THOP1: variants seen among roughly 807,000 people sequenced by gnomAD.
THOP1 encodes thimet oligopeptidase.
In THOP1, 49 loss-of-function variants were observed where a neutral mutation model predicts 71.8. The ratio of observed to expected loss-of-function variants is 0.68; its 90% confidence interval spans 0.54 to 0.87. The LOEUF is 0.87. Ranked by LOEUF, THOP1 falls within the 40% of genes least tolerant of loss-of-function variation. THOP1 has a pLI of 0.00. For synonymous variants in THOP1, 426 were observed against 421.5 expected (o/e 1.01, Z -0.13); for missense variants, 843 against 975.6 (o/e 0.86, Z 1.81).
At chr19:2,810,565 G>A in intron 10 of THOP1, 75 bp downstream of exon 10, 1 of 1,525,650 alleles carries the variant, frequency 6.6e-7, no homozygotes, top group East Asian at 2.5e-5. Context: ...ATGTGCCCCG[G>A]GTGGGGGTCG....
intron 5 of THOP1, among the ~76,000 whole-genome samples, chr19:2,800,413 G>A (rs1485636964): frequency 6.6e-6 from 1 of 152,170 alleles, no homozygotes; most frequent in Non-Finnish European, 1.5e-5. Context: ...CAGACTCCTG[G>A]GCTCAGGATC....
Position 2,815,538 on chromosome 19 carries a change from A to G in THOP1, c.*2262A>G, listed in dbSNP as rs1916582564. ...GTTCCCCAGGGAGCTGGGCGTCCTCAGAGCCTTCCCAAATGCCCACACCGG... is the reference window on the plus strand; with the variant it reads ...GTTCCCCAGGGAGCTGGGCGTCCTCGGAGCCTTCCCAAATGCCCACACCGG... On this transcript the variant is annotated 3_prime_UTR_variant, in exon 13 of 13. Coordinates refer to ENST00000307741, the MANE Select transcript of THOP1 (RefSeq NM_003249.5). 6.6e-6 allele frequency: 1 copy of G among 152,542 alleles called. No individual in the cohort carries two copies. The highest frequency in any genetic ancestry group is 1.5e-5 in the Non-Finnish European group (1 of 68,300). The allele number at this position is 152,542 out of a possible 1,614,324, so 9.4% of individuals were successfully genotyped here.
chr19:2,793,375 C>T (rs1915930207), intron 2 of THOP1, among the ~76,000 whole-genome samples: 1 of 152,092 alleles, frequency 6.6e-6, no homozygotes, highest in African/African-American at 2.4e-5. Context: ...TGTGGATGGG[C>T]CTGTCCTGGA....
Position 2,804,773 on chromosome 19 carries a change from A to C in THOP1, c.590-243A>C. On this transcript the variant is annotated intron_variant, in intron 5 of 12. Coordinates refer to ENST00000307741, the MANE Select transcript of THOP1 (RefSeq NM_003249.5). This position sits in a 1 kb window ranked among gnomAD's most constrained non-coding sequence, Gnocchi z 4.7. The stretch of plus-strand genomic sequence containing the variant: ...TGCTGGGGGGTTTCCTGGTGGGGTT[A>C]GAGGCGGGACGTGAGAAACGTGGCA... 1 of 476,688 alleles carries C rather than the reference A, an allele frequency of 2.1e-6. No individual in the cohort carries two copies. Among genetic ancestry groups the C allele is most frequent in the Non-Finnish European group, 3.7e-6 (1 of 268,020 alleles). 29.5% of individuals were successfully genotyped at this position (476,688 alleles called of 1,614,324 possible). A position where few individuals can be genotyped will look rare whatever the true frequency, so the allele number is the denominator to read the frequency against.
At position 2,804,137 on chromosome 19, in the gene THOP1, C is replaced by G. The variant is rs760298339; in HGVS notation, c.590-879C>G. On this transcript the variant is annotated intron_variant, in intron 5 of 12. Coordinates refer to ENST00000307741, the MANE Select transcript of THOP1 (RefSeq NM_003249.5). This position sits in a 1 kb window ranked among gnomAD's most constrained non-coding sequence, Gnocchi z 4.7. ...CGCCCTGGGGTTGAGGTGAACCAGTCTTTGCATTGAAGCTGCAAGCCTGAG... is the reference window on the plus strand; with the variant it reads ...CGCCCTGGGGTTGAGGTGAACCAGTGTTTGCATTGAAGCTGCAAGCCTGAG... 6.6e-6 allele frequency among the ~76,000 whole-genome samples: 1 copy of G among 152,220 alleles called. No homozygotes were observed. The highest frequency in any genetic ancestry group is 1.5e-5 in the Non-Finnish European group (1 of 68,044).
At chr19:2,792,379 G>A (rs1025338459) in intron 2 of THOP1, among the ~76,000 whole-genome samples, 1 of 151,682 alleles carries the variant, frequency 6.6e-6, no homozygotes, top group African/African-American at 2.4e-5. Context: ...TGCCCAGGCT[G>A]GTCTAGAACT....
chr19:2,807,417 G>A (rs1018520876), intron 7 of THOP1, 25 bp from the exon 8 acceptor site: 23 of 1,558,228 alleles, frequency 1.5e-5, no homozygotes, highest in Non-Finnish European at 1.8e-5. Flanking sequence ...GAGGCGAGAG[G>A]CCCACCTTTC....
chr19:2,807,471 G>C lies in THOP1; in HGVS notation c.916G>C (p.Gly306Arg). Residue 306 changes from glycine to arginine, a missense_variant, in exon 8 of 13, where the codon GGG becomes CGG. Transcript: ENST00000307741. ...DELAQKLKPL[G>R]EQERAVILEL... ...GCTGGCGCAGAAGCTGAAGCCCCTG[G>C]GGGAGCAGGAGCGTGCGGTGATTCT... 1 of 1,602,970 alleles carries C rather than the reference G, an allele frequency of 6.2e-7. No homozygotes were observed. Among genetic ancestry groups the C allele is most frequent in the South Asian group, 1.1e-5 (1 of 90,668 alleles).
rs34801643 is a variant in THOP1 at position 2,794,412 on chromosome 19, C to T, written c.230-352C>T. ...AAGTAGTTTATGCATTTAAATGTGA[C>T]CATCGGCAGCTGCAGCTCTCTCTGG... On this transcript the variant is annotated intron_variant, in intron 2 of 12. Transcript: ENST00000307741. 5.9e-3 allele frequency among the ~76,000 whole-genome samples: 899 copies of T among 152,360 alleles called. 5 individuals carry two copies. Among genetic ancestry groups the T allele is most frequent in the Non-Finnish European group, 9.8e-3 (667 of 68,038 alleles).
intron 2 of THOP1, among the ~76,000 whole-genome samples, chr19:2,793,840 A>G (rs1391363699): frequency 6.6e-6 from 1 of 152,078 alleles, no homozygotes; most frequent in Admixed American, 6.5e-5. Context: ...GGCAGAGGCC[A>G]CATCTTGTCA....
intron 5 of THOP1, among the ~76,000 whole-genome samples, chr19:2,802,236 C>G (rs1409386176): frequency 6.7e-6 from 1 of 149,876 alleles, no homozygotes; most frequent in Non-Finnish European, 1.5e-5. Flanking sequence ...CTGACCCACC[C>G]ACCTCCCAAC....
rs772914625 is a variant in THOP1, at chr19:2,805,018, G to C, written c.592G>C (p.Gly198Arg). The C allele has an allele frequency of 6.2e-7, 1 of 1,611,430 alleles. No individual in the cohort carries two copies. The highest frequency in any genetic ancestry group is 1.1e-5 in the South Asian group (1 of 90,806). ...CCACCCTGGTTCTGTCCCCATAGGA[G>C]GGCTCCCCGAGGACTTTCTGAACTC... The part of the protein sequence containing the change: ...FLPFTLQELG[G>R]LPEDFLNSLE... Residue 198 changes from glycine to arginine, a missense_variant and splice_region_variant, in exon 6 of 13, where the codon GGG (glycine) becomes CGG (arginine). Transcript: ENST00000307741. This position sits in a 1 kb window ranked among gnomAD's most constrained non-coding sequence, Gnocchi z 6.6.
intron 2 of THOP1, among the ~76,000 whole-genome samples, chr19:2,792,642 A>T (rs775561407): frequency 6.6e-6 from 1 of 151,392 alleles, no homozygotes; most frequent in Non-Finnish European, 1.5e-5. Context: ...TATTATTATT[A>T]GGGTTTTTTT....
chr19:2,795,773 G>A lies in THOP1; in HGVS notation c.379-308G>A, dbSNP rs542027997. 4.6e-3 allele frequency among the ~76,000 whole-genome samples: 696 copies of A among 152,134 alleles called. 2 individuals are homozygous for A. Among genetic ancestry groups the A allele is most frequent in the Admixed American group, 6.5e-3 (100 of 15,278 alleles). ...CCCAGGTCCCCAGTGATGACGTTTT[G>A]CAAAACTATGGTGTCATCTACACCC... On this transcript the variant is annotated intron_variant, in intron 3 of 12. Coordinates refer to ENST00000307741, the MANE Select transcript of THOP1 (RefSeq NM_003249.5).
At chr19:2,787,503 C>T (rs1915775623) in intron 1 of THOP1, among the ~76,000 whole-genome samples, 1 of 152,184 alleles carries the variant, frequency 6.6e-6, no homozygotes. Context: ...CATCTCCATC[C>T]TTTCTGAGCC....
Position 2,807,558 on chromosome 19 carries a change from T to C in THOP1, c.1003T>C (p.Trp335Arg). The C allele has an allele frequency of 6.2e-7, 1 of 1,612,590 alleles. No individual in the cohort carries two copies. Among genetic ancestry groups the C allele is most frequent in the South Asian group, 1.1e-5 (1 of 91,068 alleles). The change falls in exon 8 of 13, where the codon TGG becomes CGG. Residue 335 changes from tryptophan to arginine, a missense_variant. Trp to Arg is a moderately radical substitution (Grantham distance 101). Transcript: ENST00000307741. Reference sequence around the variant, plus strand: ...GCCCTTCGACGGCCGCATCCGTGCCTGGGACATGCGCTACTACATGAACCA... The same window carrying C: ...GCCCTTCGACGGCCGCATCCGTGCCCGGGACATGCGCTACTACATGAACCA... ...GLPFDGRIRA[W>R]DMRYYMNQVE...
In THOP1 at chr19:2,806,913, G is replaced by A; in HGVS notation, c.751-4G>A. ...GGGTGACAGTGTGGTGGTGTCGGTT[G>A]CAGGAGAACTGCGCTATCCTCAAGG... On this transcript the variant is annotated splice_polypyrimidine_tract_variant and splice_region_variant and intron_variant, in intron 6 of 12. Coordinates refer to ENST00000307741, the MANE Select transcript of THOP1 (RefSeq NM_003249.5). 1.2e-6 allele frequency: 2 copies of A among 1,613,020 alleles called. No individual in the cohort carries two copies. Among genetic ancestry groups the A allele is most frequent in the East Asian group, 2.2e-5 (1 of 44,868 alleles).
In THOP1 at chr19:2,785,506, A is replaced by T; in HGVS notation, c.-157A>T. On this transcript the variant is annotated 5_prime_UTR_variant, in exon 1 of 13. It removes an upstream start codon present in the reference 5' UTR. Transcript: ENST00000307741. ...CTCCCTGTGCGCGCGCCGCCCCAGC[A>T]TGCCCCGGGAGCGCGGGCGGCGGGC... 2.7e-6 allele frequency: 2 copies of T among 728,778 alleles called. No individual in the cohort carries two copies. Among genetic ancestry groups the T allele is most frequent in the South Asian group, 4.1e-5 (1 of 24,476 alleles). 45.1% of individuals were successfully genotyped at this position (728,778 alleles called of 1,614,324 possible). A position where few individuals can be genotyped will look rare whatever the true frequency, so the allele number is the denominator to read the frequency against.
rs756455112 is a variant in THOP1 at position 2,813,229 on chromosome 19, A to G, written c.2023A>G (p.Lys675Glu). Residue 675 changes from lysine to glutamate, a missense_variant, in exon 13 of 13, where the codon AAG becomes GAG. Physicochemically the swap from Lys to Glu is moderately conservative, Grantham distance 56. Transcript: ENST00000307741. ...DPKQDAFLLS[K>E]GLQVGGCEPE... ...CAAGCAGGACGCCTTCCTCCTGAGC[A>G]AGGGGCTGCAGGTCGGGGGCTGCGA... 2 of 1,612,134 alleles carry G rather than the reference A, an allele frequency of 1.2e-6. No homozygotes were observed. Among genetic ancestry groups the G allele is most frequent in the Admixed American group, 3.3e-5 (2 of 59,978 alleles).
Sources: allele counts gnomAD v4.1 joint callset (sites outside exome capture counted in the v4.1 genomes callset), GRCh38; gene constraint gnomAD v4.1.1; non-coding constraint Gnocchi (gnomAD v3.1); transcripts MANE v1.5; gene names NCBI Gene and HGNC (gene_info 2026-07-23, HGNC 2026-07-21).